CSNK2A2IP: variants seen among roughly 807,000 people sequenced by gnomAD.
The protein encoded by CSNK2A2IP is casein kinase II subunit alpha'-interacting protein.
At chr3:88,402,333 T>C in the CSNK2A2IP span, among the ~76,000 whole-genome samples, 1 of 152,086 alleles carries the variant, frequency 6.6e-6, no homozygotes, top group African/African-American at 2.4e-5. Context: ...GTTGTATAAA[T>C]TGATGCAAGT....
chr3:88,380,977 A>G, the CSNK2A2IP span, among the ~76,000 whole-genome samples: 1 of 152,182 alleles, frequency 6.6e-6, no homozygotes, highest in East Asian at 1.9e-4. Context: ...TTCTTTATAC[A>G]TGTGTAAACA....
the CSNK2A2IP span, chr3:88,338,507 A>G: frequency 5.9e-5 from 9 of 152,120 alleles, no homozygotes; most frequent in Non-Finnish European, 1.2e-4. Context: ...TAAGGCTCTC[A>G]TGTCATCAAG....
chr3:88,431,404 A>G, the CSNK2A2IP span: 2 of 152,240 alleles, frequency 1.3e-5, no homozygotes, highest in Non-Finnish European at 2.9e-5. Flanking sequence ...GAGCTAAGCT[A>G]CGAGGATGCA....
chr3:88,433,249 G>T, the CSNK2A2IP span, among the ~76,000 whole-genome samples: 1 of 145,642 alleles, frequency 6.9e-6, no homozygotes, highest in South Asian at 2.3e-4. Context: ...TCTTTTAATT[G>T]CTATTTATGC....
chr3:88,433,359 A>G, the CSNK2A2IP span, among the ~76,000 whole-genome samples: 4 of 152,058 alleles, frequency 2.6e-5, no homozygotes, highest in East Asian at 1.9e-4. Context: ...TTTAATTTCA[A>G]TTACTAAGTT....
At chr3:88,465,246 A>G in the CSNK2A2IP span, 2 of 542,236 alleles carry the variant, frequency 3.7e-6, no homozygotes, top group Non-Finnish European at 5.6e-6. Flanking sequence ...AAAAGCTAGC[A>G]ACTGTTATGT....
the CSNK2A2IP span, among the ~76,000 whole-genome samples, chr3:88,434,885 C>T: frequency 1.3e-5 from 2 of 152,068 alleles, no homozygotes; most frequent in Admixed American, 6.6e-5. Context: ...GCTGTATTGT[C>T]AAAAAGAGAT....
chr3:88,428,625 G>T, the CSNK2A2IP span, among the ~76,000 whole-genome samples: 2 of 152,064 alleles, frequency 1.3e-5, no homozygotes, highest in African/African-American at 2.4e-5. Context: ...CTATTGGTAG[G>T]CCATATAGGT....
chr3:88,381,160 G>T, the CSNK2A2IP span, among the ~76,000 whole-genome samples: 1 of 152,304 alleles, frequency 6.6e-6, no homozygotes, highest in South Asian at 2.1e-4. Context: ...TGAGATTAGG[G>T]TGTGGCAGAA....
At chr3:88,438,881 C>T in the CSNK2A2IP span, among the ~76,000 whole-genome samples, 1 of 151,812 alleles carries the variant, frequency 6.6e-6, no homozygotes. Flanking sequence ...GGAAAGATAC[C>T]ACATTTTTTT....
At chr3:88,448,065 C>T in the CSNK2A2IP span, among the ~76,000 whole-genome samples, 469 of 152,230 alleles carry the variant, frequency 3.1e-3, 2 homozygotes, top group African/African-American at 0.011. Flanking sequence ...TCCGCATTTC[C>T]GGTACTTACC....
At chr3:88,411,188 A>G in the CSNK2A2IP span, among the ~76,000 whole-genome samples, 1 of 152,104 alleles carries the variant, frequency 6.6e-6, no homozygotes, top group Admixed American at 6.5e-5. Context: ...TTAAATTAAA[A>G]TGCATTTTCA....
the CSNK2A2IP span, chr3:88,464,960 G>C: frequency 6.3e-6 from 1 of 159,140 alleles, no homozygotes; most frequent in African/African-American, 2.4e-5. Flanking sequence ...GCACTGAGTG[G>C]CTGCAGCACA....
the CSNK2A2IP span, among the ~76,000 whole-genome samples, chr3:88,433,982 TA>T: frequency 6.6e-6 from 1 of 152,138 alleles, no homozygotes; most frequent in African/African-American, 2.4e-5. Flanking sequence ...ATCACGCTGT[TA>T]AAAAATGTGT....
the CSNK2A2IP span, among the ~76,000 whole-genome samples, chr3:88,444,397 T>C: frequency 6.6e-6 from 1 of 152,218 alleles, no homozygotes; most frequent in Non-Finnish European, 1.5e-5. Context: ...AAAGGTTATG[T>C]AATGCTTATA....
At chr3:88,413,613 G>A in the CSNK2A2IP span, among the ~76,000 whole-genome samples, 5,089 of 152,040 alleles carry the variant, frequency 0.033, 375 homozygotes, top group Admixed American at 0.18. Flanking sequence ...TTGAGTATGT[G>A]TGTGTGTATG....
the CSNK2A2IP span, among the ~76,000 whole-genome samples, chr3:88,368,643 C>T: frequency 6.6e-6 from 1 of 152,052 alleles, no homozygotes; most frequent in African/African-American, 2.4e-5. Context: ...CTTTTTCACT[C>T]ATATAACTAG....
At chr3:88,379,080 T>G in the CSNK2A2IP span, among the ~76,000 whole-genome samples, 1 of 152,100 alleles carries the variant, frequency 6.6e-6, no homozygotes, top group Admixed American at 6.6e-5. Flanking sequence ...ATCATCTTTT[T>G]TTTTGTTAAT....
chr3:88,342,710 A>G, the CSNK2A2IP span, among the ~76,000 whole-genome samples: 39 of 47,114 alleles, frequency 8.3e-4, no homozygotes, highest in African/African-American at 1.8e-3. Flanking sequence ...GAGCAAGGTT[A>G]AAAAAAAAAA....
Sources: gnomAD v4.1 joint callset for allele counts (sites outside exome capture counted in the v4.1 genomes callset) on GRCh38, gnomAD v4.1.1 for gene constraint, MANE v1.5 for transcripts, NCBI Gene and HGNC (gene_info 2026-07-23, HGNC 2026-07-21) for gene names.